The following METTL25 variants were observed in gnomAD, a reference collection of about 807,000 sequenced individuals.
METTL25 encodes the protein methyltransferase like 25.
Under a neutral mutation model 71.6 loss-of-function variants are expected in METTL25, and 64 were observed. The observed-to-expected ratio is 0.89, with a 90% CI of 0.73 to 1.10. METTL25 has a LOEUF of 1.10. Ranked by LOEUF, METTL25 falls within the 50% of genes least tolerant of loss-of-function variation. METTL25 has a pLI of 0.00. For missense variants in METTL25, 807 were observed against 707.0 expected (o/e 1.14, Z -1.60); for synonymous variants, 287 against 250.3 (o/e 1.15, Z -1.38).
At chr12:82,437,483 C>A (rs1890004195) in intron 7 of METTL25, among the ~76,000 whole-genome samples, 1 of 151,562 alleles carries the variant, frequency 6.6e-6, no homozygotes, top group Non-Finnish European at 1.5e-5. Context: ...ATGATTGACC[C>A]TCAGCTCACA....
intron 9 of METTL25, among the ~76,000 whole-genome samples, chr12:82,472,831 TCCA>T (rs920240357): frequency 3.2e-4 from 48 of 152,348 alleles, no homozygotes; most frequent in African/African-American, 1.1e-3. Context: ...ATAGTTTGGT[TCCA>T]CTACTAGAGG....
At chr12:82,469,504 A>G (rs1892444495) in intron 9 of METTL25, among the ~76,000 whole-genome samples, 1 of 151,974 alleles carries the variant, frequency 6.6e-6, no homozygotes, top group Admixed American at 6.6e-5. Context: ...TCTCATGAGA[A>G]CTTACTATCA....
rs1284361536 is a variant in METTL25 at position 82,479,129 on chromosome 12, G to A, written c.*105G>A. ...GTTATACAAAAATTTTTAAATGACT[G>A]TTATGTATTTTAAATAATAAAATAA... On this transcript the variant is annotated 3_prime_UTR_variant, in exon 12 of 12. Transcript: ENST00000248306. The A allele has an allele frequency of 1.3e-6, 1 of 746,928 alleles. No individual in the cohort carries two copies. The allele number at this position is 746,928 out of a possible 1,614,324, so 46.3% of individuals were successfully genotyped here.
At chr12:82,454,889 A>G (rs554022403) in intron 8 of METTL25, among the ~76,000 whole-genome samples, 9 of 151,928 alleles carry the variant, frequency 5.9e-5, no homozygotes, top group South Asian at 2.1e-4. Context: ...AGTAACAACA[A>G]CAGCTTACAT....
At chr12:82,398,543 A>G (rs1172420888) in intron 3 of METTL25, among the ~76,000 whole-genome samples, 3 of 152,132 alleles carry the variant, frequency 2.0e-5, no homozygotes, top group African/African-American at 7.2e-5. Context: ...TCTATGTACA[A>G]AAAAGACAGT....
chr12:82,391,453 C>T (rs1776006333), intron 3 of METTL25, among the ~76,000 whole-genome samples: 1 of 151,708 alleles, frequency 6.6e-6, no homozygotes. Flanking sequence ...ACTTTCTAGC[C>T]AATGTGCAAA....
intron 1 of METTL25, among the ~76,000 whole-genome samples, chr12:82,379,311 G>A (rs775450556): frequency 6.6e-6 from 1 of 152,020 alleles, no homozygotes; most frequent in Non-Finnish European, 1.5e-5. Flanking sequence ...AGCAATTACT[G>A]CACTGAAATA....
intron 8 of METTL25, among the ~76,000 whole-genome samples, chr12:82,447,605 T>C (rs1257930579): frequency 6.6e-6 from 1 of 152,118 alleles, no homozygotes; most frequent in Admixed American, 6.6e-5. Flanking sequence ...AAACACAAGA[T>C]TCAATGTCAT....
intron 1 of METTL25, among the ~76,000 whole-genome samples, chr12:82,382,642 CATA>C (rs1274955282): frequency 1.3e-5 from 2 of 152,286 alleles, no homozygotes; most frequent in South Asian, 4.1e-4. Flanking sequence ...AAATAGATAT[CATA>C]ATAAGATTTT....
chr12:82,399,842 T>C (rs1423407731), intron 4 of METTL25, among the ~76,000 whole-genome samples: 2 of 152,044 alleles, frequency 1.3e-5, no homozygotes, highest in East Asian at 1.9e-4. Context: ...ATTACAAGTA[T>C]GTCAGTTTAT....
intron 4 of METTL25, among the ~76,000 whole-genome samples, chr12:82,402,072 A>G (rs146100271): frequency 3.9e-5 from 6 of 152,196 alleles, no homozygotes; most frequent in African/African-American, 1.4e-4. Flanking sequence ...CTGTGCATGT[A>G]TACATTTGTA....
chr12:82,419,655 A>G (rs1445617926), intron 5 of METTL25, among the ~76,000 whole-genome samples: 1 of 151,148 alleles, frequency 6.6e-6, no homozygotes, highest in Non-Finnish European at 1.5e-5. Context: ...TAAAACCACA[A>G]TGAAATGTCA....
intron 1 of METTL25, among the ~76,000 whole-genome samples, chr12:82,365,417 A>G (rs73367057): frequency 0.049 from 7,488 of 152,300 alleles, 648 homozygotes; most frequent in African/African-American, 0.17. Flanking sequence ...AAGTTAGTAC[A>G]TAATATAGGC....
intron 5 of METTL25, among the ~76,000 whole-genome samples, chr12:82,421,918 C>CA (rs1192767184): frequency 2.6e-5 from 4 of 151,940 alleles, no homozygotes; most frequent in African/African-American, 9.7e-5. Flanking sequence ...GCTTACCAAC[C>CA]AAAAAAAGTC....
intron 8 of METTL25, 148 bp downstream of exon 8, chr12:82,438,939 C>T: frequency 1.9e-6 from 1 of 531,236 alleles, no homozygotes; most frequent in South Asian, 7.6e-5. Flanking sequence ...TACACAACAA[C>T]TGTATCTTAG....
At chr12:82,447,620 T>C (rs1346625011) in intron 8 of METTL25, among the ~76,000 whole-genome samples, 4 of 152,132 alleles carry the variant, frequency 2.6e-5, no homozygotes, top group Non-Finnish European at 4.4e-5. Context: ...TGTCATAGTT[T>C]CCTGTGGGAG....
intron 6 of METTL25, among the ~76,000 whole-genome samples, chr12:82,432,749 C>G (rs1192426304): frequency 6.6e-6 from 1 of 150,486 alleles, no homozygotes; most frequent in Non-Finnish European, 1.5e-5. Flanking sequence ...TTTTTTGATT[C>G]CAAAGTAATG....
At chr12:82,435,076 G>C (rs1182737030) in intron 7 of METTL25, among the ~76,000 whole-genome samples, 1 of 151,372 alleles carries the variant, frequency 6.6e-6, no homozygotes, top group African/African-American at 2.4e-5. Context: ...TTTAACTATA[G>C]TCCAAAACAC....
At chr12:82,390,179 T>C (rs1188908308) in intron 3 of METTL25, among the ~76,000 whole-genome samples, 1 of 151,980 alleles carries the variant, frequency 6.6e-6, no homozygotes, top group Non-Finnish European at 1.5e-5. Flanking sequence ...CTTTTCAGAG[T>C]GGACAGAAAT....
Sources: gnomAD v4.1 joint callset for allele counts (sites outside exome capture counted in the v4.1 genomes callset) on GRCh38, gnomAD v4.1.1 for gene constraint, MANE v1.5 for transcripts, NCBI Gene and HGNC (gene_info 2026-07-23, HGNC 2026-07-21) for gene names.